NDUFA10: variants seen among roughly 807,000 people sequenced by gnomAD.
NDUFA10 encodes NADH dehydrogenase [ubiquinone] 1 alpha subcomplex subunit 10, mitochondrial.
Under a neutral mutation model 47.8 loss-of-function variants are expected in NDUFA10, and 40 were observed. The ratio of observed to expected loss-of-function variants is 0.84; its 90% CI spans 0.65 to 1.09. The LOEUF (loss-of-function observed/expected upper bound fraction) is 1.09, where lower values mean the gene tolerates loss of function less well. NDUFA10 is among the 50% of genes least tolerant of loss of function. The pLI is 0.00. For synonymous variants in NDUFA10, 183 were observed against 172.2 expected (o/e 1.06, Z -0.49); for missense variants, 413 against 451.1 (o/e 0.92, Z 0.76).
At chr2:239,943,742 C>T (rs78791146) in intron 4 of NDUFA10, among the ~76,000 whole-genome samples, 5,388 of 151,990 alleles carry the variant, frequency 0.035, 144 homozygotes, top group African/African-American at 0.07. Context: ...ACAGCACTGG[C>T]ATCCCCTGGT....
In NDUFA10 at chr2:239,960,594, T is replaced by C. The variant is rs1694811260; in HGVS notation, c.*524A>G. 9.9e-7 allele frequency: 1 copy of C among 1,014,408 alleles called. No homozygotes were observed. Among genetic ancestry groups the C allele is most frequent in the African/African-American group, 1.7e-5 (1 of 59,000 alleles). The allele number at this position is 1,014,408 out of a possible 1,614,324, so 62.8% of individuals were successfully genotyped here. ...ACTCTAATGTAGCACATTACTAAAA[T>C]AAATACAGTAGGCCTTTAGAAAAAC... On this transcript the variant is annotated 3_prime_UTR_variant, in exon 10 of 10. Transcript: ENST00000252711.
chr2:239,955,784 C>T (rs951716051), downstream of NDUFA10, among the ~76,000 whole-genome samples: 2 of 152,270 alleles, frequency 1.3e-5, no homozygotes, highest in African/African-American at 2.4e-5. Flanking sequence ...TCCAAACCCA[C>T]GGCCAGGGGA....
At chr2:239,983,958 T>C (rs1695899290) in intron 9 of NDUFA10, among the ~76,000 whole-genome samples, 1 of 152,072 alleles carries the variant, frequency 6.6e-6, no homozygotes, top group South Asian at 2.1e-4. Flanking sequence ...AAGGGCCGAA[T>C]TTGGTGGCTC....
chr2:239,931,794 C>G (rs1481142754), intron 4 of NDUFA10, among the ~76,000 whole-genome samples: 1 of 149,362 alleles, frequency 6.7e-6, no homozygotes, highest in Non-Finnish European at 1.5e-5. Flanking sequence ...ACTCACAGTA[C>G]TGGGCTCTGA....
intron 4 of NDUFA10, among the ~76,000 whole-genome samples, chr2:239,947,193 CACACTGCTTAG>C (rs1559304331): frequency 6.6e-6 from 1 of 152,244 alleles, no homozygotes; most frequent in Non-Finnish European, 1.5e-5. Flanking sequence ...CCCGCCTGCT[CACACTGCTTAG>C]ACCAAGGCCC....
intron 4 of NDUFA10, among the ~76,000 whole-genome samples, chr2:239,924,202 C>T (rs530868136): frequency 9.9e-5 from 15 of 152,030 alleles, no homozygotes; most frequent in African/African-American, 2.7e-4. Flanking sequence ...TCATTTTATG[C>T]GACTGGTATT....
chr2:239,935,151 G>C (rs1694242746), intron 4 of NDUFA10, among the ~76,000 whole-genome samples: 2 of 152,136 alleles, frequency 1.3e-5, no homozygotes, highest in Non-Finnish European at 2.9e-5. Context: ...ATGCAAAATT[G>C]AACGGGGTGC....
At chr2:239,899,050 GGAGGAGTGTGA>G (rs1693469603) in intron 4 of NDUFA10, among the ~76,000 whole-genome samples, 1 of 58,934 alleles carries the variant, frequency 1.7e-5, no homozygotes, top group Non-Finnish European at 4.2e-5. Context: ...GGGGTGTGAT[GGAGGAGTGTGA>G]TGGAGGGGTG....
intron 4 of NDUFA10, among the ~76,000 whole-genome samples, chr2:239,930,395 G>A (rs1026766813): frequency 1.3e-5 from 2 of 151,932 alleles, no homozygotes; most frequent in African/African-American, 2.4e-5. Context: ...CTCCCAGGAT[G>A]CCCTCCTCAG....
intron 9 of NDUFA10, among the ~76,000 whole-genome samples, chr2:239,964,231 T>C (rs987926914): frequency 1.3e-5 from 2 of 152,088 alleles, no homozygotes; most frequent in African/African-American, 4.8e-5. Flanking sequence ...ATCTGGGTTA[T>C]CTGGGTGGGC....
chr2:239,909,249 C>G (rs977603625), intron 4 of NDUFA10, among the ~76,000 whole-genome samples: 1 of 152,256 alleles, frequency 6.6e-6, no homozygotes, highest in East Asian at 1.9e-4. Flanking sequence ...TGGACCCCTT[C>G]CTTACACCCT....
intron 9 of NDUFA10, among the ~76,000 whole-genome samples, chr2:239,988,959 C>G (rs1157299175): frequency 2.0e-5 from 3 of 151,744 alleles, no homozygotes; most frequent in Non-Finnish European, 4.4e-5. Context: ...CACACACACA[C>G]AAGTGTACAA....
rs117334367 is a variant in NDUFA10, at chr2:239,967,870, A to G, written c.1000-6684T>C. The stretch of plus-strand genomic sequence containing the variant: ...TCTGTGCCATGAGGGCCAAGGCCGC[A>G]CAATGAGGTTTCTCCCAGGCTCTTC... On this transcript the variant is annotated intron_variant, in intron 9 of 9. Transcript: ENST00000252711. Among the ~76,000 whole-genome samples the G allele has an allele frequency of 2.1e-4, 32 of 152,314 alleles. No individual in the cohort carries two copies. The East Asian group carries it at 6.2e-3, about 29-fold the overall frequency.
intron 8 of NDUFA10, among the ~76,000 whole-genome samples, chr2:239,996,876 T>A (rs2106455659): frequency 6.6e-6 from 1 of 152,166 alleles, no homozygotes; most frequent in Admixed American, 6.5e-5. Context: ...ACAATTCTTC[T>A]TCTTCCAATG....
At chr2:239,985,372 A>G (rs1224090885) in intron 9 of NDUFA10, among the ~76,000 whole-genome samples, 5 of 152,188 alleles carry the variant, frequency 3.3e-5, no homozygotes, top group Non-Finnish European at 7.3e-5. Flanking sequence ...TCAAAACTCA[A>G]ATATAAGAAA....
At chr2:240,002,327 ACT>A (rs1696754888) in intron 8 of NDUFA10, among the ~76,000 whole-genome samples, 2 of 91,570 alleles carry the variant, frequency 2.2e-5, no homozygotes, top group African/African-American at 4.2e-5. Flanking sequence ...CAAAACTCTG[ACT>A]CAAAAAAAAA....
intron 4 of NDUFA10, among the ~76,000 whole-genome samples, chr2:239,935,986 C>G (rs1278595494): frequency 6.6e-6 from 1 of 152,222 alleles, no homozygotes; most frequent in Non-Finnish European, 1.5e-5. Context: ...GTTGCAATAC[C>G]TGGAAGGTGC....
chr2:239,949,612 G>T (rs1213382397), intron 4 of NDUFA10, among the ~76,000 whole-genome samples: 1 of 152,152 alleles, frequency 6.6e-6, no homozygotes, highest in African/African-American at 2.4e-5. Flanking sequence ...TCCCACCTCA[G>T]CCTCCCACAT....
intron 9 of NDUFA10, among the ~76,000 whole-genome samples, chr2:239,968,673 T>C (rs1277938545): frequency 1.3e-5 from 2 of 152,194 alleles, no homozygotes; most frequent in South Asian, 2.1e-4. Context: ...TCCAGAAATC[T>C]GCACAGGGGA....
Sources: allele counts gnomAD v4.1 joint callset (sites outside exome capture counted in the v4.1 genomes callset), GRCh38; gene constraint gnomAD v4.1.1; transcripts MANE v1.5; gene names NCBI Gene and HGNC (gene_info 2026-07-23, HGNC 2026-07-21).